Variants in GATAD2A observed in about 807,000 individuals in gnomAD.
GATAD2A encodes the protein transcriptional repressor p66-alpha.
In GATAD2A, 12 loss-of-function variants were observed where a neutral mutation model predicts 68.5. The ratio of observed to expected loss-of-function variants is 0.18; its 90% confidence interval spans 0.11 to 0.28. GATAD2A has a LOEUF of 0.28. Among genes scored for constraint, GATAD2A ranks in the 10% least tolerant of loss-of-function variants. The pLI is 1.00. For synonymous variants in GATAD2A, 410 were observed against 375.3 expected, an observed-to-expected ratio of 1.09 and a Z score of -1.07; for missense variants, 755 against 868.5, an observed-to-expected ratio of 0.87 and a Z score of 1.64.
At chr19:19,394,209 AGTGGAGAC>A (rs1483216690) in intron 1 of GATAD2A, among the ~76,000 whole-genome samples, 1 of 151,878 alleles carries the variant, frequency 6.6e-6, no homozygotes, top group East Asian at 1.9e-4. Flanking sequence ...TCTTGAAGTC[AGTGGAGAC>A]GTGTTTTTGG....
At chr19:19,386,931 C>T (rs2048473577) in intron 1 of GATAD2A, among the ~76,000 whole-genome samples, 1 of 152,026 alleles carries the variant, frequency 6.6e-6, no homozygotes, top group Non-Finnish European at 1.5e-5. Flanking sequence ...TTTTGAGGGA[C>T]CCCTGCCTCC....
Position 19,494,275 on chromosome 19 carries a change from G to T in GATAD2A, c.535-19G>T, listed in dbSNP as rs757038550. The T allele has an allele frequency of 3.3e-6, 5 of 1,530,178 alleles. No homozygotes were observed. The South Asian group carries it at 5.6e-5, about 17-fold the overall frequency. 94.8% of individuals were successfully genotyped at this position (1,530,178 alleles called of 1,614,324 possible). A position where few individuals can be genotyped will look rare whatever the true frequency, so the allele number is the denominator to read the frequency against. ...CGGCCCGGTGGCCCCTCACCTCCTG[G>T]TGTCCTGCTCTCTTGCAGCCCACAG... On this transcript the variant is annotated intron_variant, in intron 4 of 11. Coordinates refer to ENST00000683918, the MANE Select transcript of GATAD2A (RefSeq NM_001384528.1).
intron 1 of GATAD2A, among the ~76,000 whole-genome samples, chr19:19,426,210 G>A (rs1252917088): frequency 2.0e-5 from 3 of 152,128 alleles, no homozygotes; most frequent in Admixed American, 6.6e-5. Context: ...ATACCCAGCC[G>A]TGGGTCCATA....
rs2060964947 is a variant in GATAD2A, at chr19:19,508,551, A to G, written c.*3077A>G. On this transcript the variant is annotated 3_prime_UTR_variant, in exon 12 of 12. Coordinates refer to ENST00000683918, the MANE Select transcript of GATAD2A (RefSeq NM_001384528.1). ...AGAGGCAGGGGAGAGACTTCTCTAT[A>G]CAAATATTCTCATCACAGAAGGGAT... 6.6e-6 allele frequency: 1 copy of G among 152,194 alleles called. No homozygotes were observed. Among genetic ancestry groups the G allele is most frequent in the South Asian group, 2.1e-4 (1 of 4,832 alleles). 9.4% of individuals were successfully genotyped at this position (152,194 alleles called of 1,614,324 possible).
At chr19:19,394,278 C>T (rs10415849) in intron 1 of GATAD2A, among the ~76,000 whole-genome samples, 17,812 of 151,914 alleles carry the variant, frequency 0.12, 1,078 homozygotes, top group South Asian at 0.17. Flanking sequence ...AGTGATAAAC[C>T]GCTCTAAAAG....
At chr19:19,417,354 T>C (rs1243204099) in intron 1 of GATAD2A, among the ~76,000 whole-genome samples, 1 of 152,176 alleles carries the variant, frequency 6.6e-6, no homozygotes, top group African/African-American at 2.4e-5. Flanking sequence ...CTTAGAATTC[T>C]TACTACATGG....
chr19:19,498,862 C>T, intron 8 of GATAD2A, 140 bp downstream of exon 8: 2 of 675,010 alleles, frequency 3.0e-6, no homozygotes, highest in Non-Finnish European at 5.1e-6. Flanking sequence ...GGCAGGGACA[C>T]CGTCAGTGCC....
intron 1 of GATAD2A, among the ~76,000 whole-genome samples, chr19:19,411,844 C>T (rs2050965192): frequency 6.6e-6 from 1 of 152,208 alleles, no homozygotes; most frequent in South Asian, 2.1e-4. Context: ...TTCTTGAACA[C>T]CTCATATCTC....
chr19:19,438,800 A>C (rs1295603986), intron 1 of GATAD2A, among the ~76,000 whole-genome samples: 1 of 152,232 alleles, frequency 6.6e-6, no homozygotes, highest in Non-Finnish European at 1.5e-5. Flanking sequence ...CAGTCGTGGC[A>C]CATGATACTT....
intron 2 of GATAD2A, among the ~76,000 whole-genome samples, chr19:19,468,102 T>C (rs2058015148): frequency 6.6e-6 from 1 of 152,216 alleles, no homozygotes; most frequent in Non-Finnish European, 1.5e-5. Context: ...CATACAACAA[T>C]CTGAGAAGTA....
chr19:19,417,895 C>T (rs548330388), intron 1 of GATAD2A, among the ~76,000 whole-genome samples: 2 of 152,288 alleles, frequency 1.3e-5, no homozygotes, highest in African/African-American at 2.4e-5. Context: ...CCCTGCTCGA[C>T]CAGTGCTGAG....
chr19:19,452,898 G>A (rs1014609204), intron 1 of GATAD2A, among the ~76,000 whole-genome samples: 2 of 152,118 alleles, frequency 1.3e-5, no homozygotes, highest in Admixed American at 6.5e-5. Flanking sequence ...TTGTCCTCCT[G>A]TGCGTCCCCT....
chr19:19,434,775 G>A (rs1285147834), intron 1 of GATAD2A, among the ~76,000 whole-genome samples: 1 of 152,176 alleles, frequency 6.6e-6, no homozygotes, highest in Non-Finnish European at 1.5e-5. Context: ...AGAAGTTCCT[G>A]AATATTGTAG....
At chr19:19,503,804 A>AG (rs1173620989) in intron 11 of GATAD2A, among the ~76,000 whole-genome samples, 2 of 152,194 alleles carry the variant, frequency 1.3e-5, no homozygotes, top group Non-Finnish European at 2.9e-5. Flanking sequence ...AGCGCCTGGC[A>AG]GGACCCAGTT....
chr19:19,422,435 G>A (rs1337693382), intron 1 of GATAD2A, among the ~76,000 whole-genome samples: 2 of 152,148 alleles, frequency 1.3e-5, no homozygotes, highest in Admixed American at 1.3e-4. Flanking sequence ...AGCTGGCAGA[G>A]CCCCACGTCC....
chr19:19,459,090 G>GC (rs1440143821), intron 1 of GATAD2A, among the ~76,000 whole-genome samples: 1 of 152,174 alleles, frequency 6.6e-6, no homozygotes, highest in Admixed American at 6.5e-5. Context: ...ACAGGCATGT[G>GC]CCACTGTGCC....
intron 1 of GATAD2A, among the ~76,000 whole-genome samples, chr19:19,417,286 GC>G (rs1181866777): frequency 6.6e-6 from 1 of 152,120 alleles, no homozygotes; most frequent in Non-Finnish European, 1.5e-5. Context: ...AGTGGCCCCT[GC>G]CCTTGACCAG....
intron 2 of GATAD2A, among the ~76,000 whole-genome samples, chr19:19,476,004 TC>T (rs1248286374): frequency 6.6e-6 from 1 of 152,194 alleles, no homozygotes; most frequent in Non-Finnish European, 1.5e-5. Flanking sequence ...CTGCTGGTCT[TC>T]CTGAACTTCA....
chr19:19,496,457 G>A (rs1568337410), intron 7 of GATAD2A, among the ~76,000 whole-genome samples: 3 of 152,226 alleles, frequency 2.0e-5, no homozygotes, highest in Admixed American at 6.5e-5. Context: ...GGCAGCTGAC[G>A]AGAGGGGCGA....
Sources: gnomAD v4.1 joint callset for allele counts (sites outside exome capture counted in the v4.1 genomes callset) on GRCh38, gnomAD v4.1.1 for gene constraint, MANE v1.5 for transcripts, NCBI Gene and HGNC (gene_info 2026-07-23, HGNC 2026-07-21) for gene names.